The following NFIA variants were observed in gnomAD, a reference collection of about 807,000 sequenced individuals.
NFIA encodes nuclear factor 1 A-type.
Under a neutral mutation model 62.8 loss-of-function variants are expected in NFIA, and 8 were observed. That is an observed-to-expected ratio of 0.13 (90% CI 0.07 to 0.23). The LOEUF is 0.23. Among genes scored for constraint, NFIA ranks in the 10% least tolerant of loss-of-function variants. The pLI is 1.00. For synonymous variants in NFIA, 235 were observed against 238.1 expected, an observed-to-expected ratio of 0.99 and a Z score of 0.12; for missense variants, 410 against 642.1, an observed-to-expected ratio of 0.64 and a Z score of 3.91.
chr1:61,147,826 G>A (rs534971520), intron 2 of NFIA, among the ~76,000 whole-genome samples: 17 of 152,262 alleles, frequency 1.1e-4, no homozygotes, highest in Admixed American at 3.9e-4. Context: ...GTAGCTTGGT[G>A]TGAGGGCTGA....
rs543348853 is a variant in NFIA, at chr1:61,457,200, A to C, written c.*1880A>C. 6.6e-6 allele frequency: 1 copy of C among 152,296 alleles called. No homozygotes were observed. Among genetic ancestry groups the C allele is most frequent in the East Asian group, 1.9e-4 (1 of 5,184 alleles). 9.4% of individuals were successfully genotyped at this position (152,296 alleles called of 1,614,324 possible). On this transcript the variant is annotated 3_prime_UTR_variant, in exon 11 of 11. Coordinates refer to ENST00000403491, the MANE Select transcript of NFIA (RefSeq NM_001134673.4). This position sits in a 1 kb window ranked among gnomAD's most constrained non-coding sequence, Gnocchi z 4.2. ...TGCTCCTCATCTTTCTCCCCGAAAC[A>C]ATGTTGTTTTGTTTTGTTTTTTTTC...
At chr1:61,356,251 T>C (rs1280175630) in intron 5 of NFIA, among the ~76,000 whole-genome samples, 2 of 152,226 alleles carry the variant, frequency 1.3e-5, no homozygotes, top group Admixed American at 6.5e-5. Flanking sequence ...TCCCTGAAGA[T>C]CTTACAGCCC....
chr1:61,151,844 A>G (rs893379002), intron 2 of NFIA, among the ~76,000 whole-genome samples: 10 of 152,224 alleles, frequency 6.6e-5, no homozygotes, highest in African/African-American at 2.4e-4. Context: ...CTGAGGGCGG[A>G]TGCTGATAGT....
intron 3 of NFIA, among the ~76,000 whole-genome samples, chr1:61,291,483 G>T (rs1392483086): frequency 6.6e-6 from 1 of 152,174 alleles, no homozygotes; most frequent in Non-Finnish European, 1.5e-5. Flanking sequence ...CACAAAAATT[G>T]ACTGTGGTCA....
intron 2 of NFIA, among the ~76,000 whole-genome samples, chr1:61,096,364 C>G (rs1329966254): frequency 6.6e-6 from 1 of 151,576 alleles, no homozygotes; most frequent in Non-Finnish European, 1.5e-5. Context: ...CAGGCATGCA[C>G]CCCCATGCAT....
At chr1:61,391,213 A>C (rs1664959123) in intron 7 of NFIA, among the ~76,000 whole-genome samples, 1 of 151,988 alleles carries the variant, frequency 6.6e-6, no homozygotes, top group East Asian at 1.9e-4. Flanking sequence ...GGCGCATGCC[A>C]CTATGCCTAG....
At chr1:61,422,716 G>T (rs997432544) in intron 9 of NFIA, among the ~76,000 whole-genome samples, 22 of 147,296 alleles carry the variant, frequency 1.5e-4, no homozygotes, top group African/African-American at 5.3e-4. Flanking sequence ...AGACCAGCCT[G>T]AGCAACATGG....
intron 7 of NFIA, among the ~76,000 whole-genome samples, chr1:61,395,825 C>G (rs1665241751): frequency 6.6e-6 from 1 of 152,114 alleles, no homozygotes; most frequent in Non-Finnish European, 1.5e-5. Flanking sequence ...TTTTTAAACT[C>G]TAAATATTAC....
intron 2 of NFIA, among the ~76,000 whole-genome samples, chr1:61,103,735 C>T (rs1385476336): frequency 6.6e-6 from 1 of 152,090 alleles, no homozygotes; most frequent in Non-Finnish European, 1.5e-5. Context: ...GGGCATTTAC[C>T]TTAGGACTGA....
intron 2 of NFIA, chr1:61,250,048 A>G (rs959980580): frequency 1.3e-5 from 2 of 152,176 alleles, no homozygotes; most frequent in African/African-American, 4.8e-5. Flanking sequence ...GAAGTTTCAA[A>G]TCTATTTTCC....
At chr1:61,251,133 G>A (rs1029486218) in intron 2 of NFIA, 1 of 152,092 alleles carries the variant, frequency 6.6e-6, no homozygotes, top group Non-Finnish European at 1.5e-5. Flanking sequence ...ACTTAGCCCT[G>A]GCTCACTTTT....
chr1:61,098,312 A>G lies in NFIA; in HGVS notation c.559+9632A>G, dbSNP rs76089089. Among the ~76,000 whole-genome samples, 571 of 152,362 alleles carry G rather than the reference A, an allele frequency of 3.7e-3. 7 individuals carry two copies. Among genetic ancestry groups the G allele is most frequent in the African/African-American group, 0.013 (533 of 41,596 alleles). On this transcript the variant is annotated intron_variant, in intron 2 of 10. Transcript: ENST00000403491. ...GATAAGTGGGTTACCAGTGTTTGAA[A>G]TGAAGCAAAGATTCTAGATAAGAAC...
intron 2 of NFIA, among the ~76,000 whole-genome samples, chr1:61,241,553 C>T (rs900563096): frequency 6.6e-6 from 1 of 152,008 alleles, no homozygotes; most frequent in Non-Finnish European, 1.5e-5. Context: ...AAAATGGTTG[C>T]CAAGCTGTAA....
intron 2 of NFIA, among the ~76,000 whole-genome samples, chr1:61,128,915 G>GTTTTTTTTTTTTTTTTTT (rs10635152): frequency 2.7e-5 from 2 of 74,124 alleles, no homozygotes; most frequent in Non-Finnish European, 4.5e-5. Context: ...GCTTACTTAT[G>GTTTTTTTTTTTTTTTTTT]TTTTTTTTTT....
At chr1:61,402,558 G>T (rs951936150) in intron 7 of NFIA, among the ~76,000 whole-genome samples, 2 of 152,180 alleles carry the variant, frequency 1.3e-5, no homozygotes, top group Admixed American at 6.5e-5. Context: ...GATGGAGAAG[G>T]CTGGGAGAAG....
chr1:61,319,860 T>G, intron 3 of NFIA, among the ~76,000 whole-genome samples: 1 of 148,024 alleles, frequency 6.8e-6, no homozygotes, highest in Non-Finnish European at 1.5e-5. Context: ...CACACTCTAT[T>G]AAGCCAGGAC....
At position 61,148,775 on chromosome 1, in the gene NFIA, A is replaced by G. The variant is rs991991628; in HGVS notation, c.559+60095A>G. On this transcript the variant is annotated intron_variant, in intron 2 of 10. Transcript: ENST00000403491. The stretch of plus-strand genomic sequence containing the variant: ...ATCAGTATCAGGGTAAAATGGGAAG[A>G]TGAAGGAAAACTATTGATGAATTAC... Among the ~76,000 whole-genome samples, 4 of 152,252 alleles carry G rather than the reference A, an allele frequency of 2.6e-5. No homozygotes were observed. In the South Asian group the frequency reaches 8.3e-4, roughly 32 times the overall value.
In NFIA at chr1:61,406,607, A is replaced by T; in HGVS notation, c.1300A>T (p.Thr434Ser). 7.7e-7 allele frequency: 1 copy of T among 1,306,924 alleles called. No individual in the cohort carries two copies. The allele number at this position is 1,306,924 out of a possible 1,614,324, so 81.0% of individuals were successfully genotyped here. A position where few individuals can be genotyped will look rare whatever the true frequency, so the allele number is the denominator to read the frequency against. The change falls in exon 9 of 11, where the codon ACC becomes TCC. Residue 434 changes from threonine to serine, a missense_variant. Thr to Ser is a moderately conservative substitution (Grantham distance 58). This residue lies in a region of NFIA where 298 missense variants were observed against 438.1 expected (regional missense o/e 0.68). Transcript: ENST00000403491. ...CAAGGTGCACAACCCATTCCTTCCC[A>T]CCCCAATGTTGCCACCGCCACCGCC... ...QGKVHNPFLP[T>S]PMLPPPPPPP... is the part of the protein sequence containing the mutation.
chr1:61,185,514 C>T (rs746369190), intron 2 of NFIA, among the ~76,000 whole-genome samples: 1 of 152,208 alleles, frequency 6.6e-6, no homozygotes, highest in East Asian at 1.9e-4. Context: ...TTATATCACT[C>T]TTCTGCGTAA....
Sources: gnomAD v4.1 joint callset for allele counts (sites outside exome capture counted in the v4.1 genomes callset) on GRCh38, gnomAD v4.1.1 for gene constraint, gnomAD v4.1.1 regional missense constraint, Gnocchi (gnomAD v3.1) non-coding constraint, MANE v1.5 for transcripts, NCBI Gene and HGNC (gene_info 2026-07-23, HGNC 2026-07-21) for gene names.